Variants in TCP11L2 observed in about 807,000 individuals in gnomAD.
TCP11L2 encodes T-complex protein 11-like protein 2.
Under a neutral mutation model 50.7 loss-of-function variants are expected in TCP11L2, and 39 were observed. The ratio of observed to expected loss-of-function variants is 0.77; its 90% CI spans 0.60 to 1.01. TCP11L2 has a LOEUF of 1.01. Among genes scored for constraint, TCP11L2 ranks in the 50% least tolerant of loss-of-function variants. The pLI is 0.00. For synonymous variants in TCP11L2, 192 were observed against 219.3 expected, an observed-to-expected ratio of 0.88 and a Z score of 1.10; for missense variants, 612 against 614.7, an observed-to-expected ratio of 1.00 and a Z score of 0.05.
Position 106,321,478 on chromosome 12 carries a change from C to A in TCP11L2, c.415-8C>A. 1 of 1,605,742 alleles carries A rather than the reference C, an allele frequency of 6.2e-7. No homozygotes were observed. The highest frequency in any genetic ancestry group is 1.1e-5 in the South Asian group (1 of 90,088). ...TGATGCTGTTAATTTTTATTTCTTT[C>A]CCTGTAGATTCTTCTCTCTTTTCTC... is the stretch of plus-strand genomic sequence containing the variant. On this transcript the variant is annotated splice_region_variant and splice_polypyrimidine_tract_variant and intron_variant, in intron 4 of 9. Transcript: ENST00000299045.
At chr12:106,301,637 C>A (rs2034417682), upstream of TCP11L2, among the ~76,000 whole-genome samples, 1 of 152,196 alleles carries the variant, frequency 6.6e-6, no homozygotes, top group Admixed American at 6.5e-5. Context: ...CGGCACTAAA[C>A]AGAAATACTT....
At chr12:106,329,570 A>C in intron 6 of TCP11L2, 2 of 1,406,100 alleles carry the variant, frequency 1.4e-6, no homozygotes, top group Non-Finnish European at 1.8e-6. Context: ...AGAATAAATC[A>C]AAGTCTCCAG....
intron 3 of TCP11L2, among the ~76,000 whole-genome samples, chr12:106,316,123 C>T (rs1436749492): frequency 1.3e-5 from 2 of 152,112 alleles, no homozygotes; most frequent in African/African-American, 4.8e-5. Context: ...TTGCATTTTG[C>T]CATGACCCTT....
At position 106,318,462 on chromosome 12, in the gene TCP11L2, G is replaced by A; in HGVS notation, c.412G>A (p.Glu138Lys). ...HAIKLFEEIR[E>K]ILLSFLTPGG... Reference sequence around the variant, plus strand: ...CATCAAACTGTTTGAAGAAATCAGAGAGGCAAGTTGCTTTGTTGTCTGTGT... The same window carrying A: ...CATCAAACTGTTTGAAGAAATCAGAAAGGCAAGTTGCTTTGTTGTCTGTGT... Residue 138 changes from glutamate to lysine, a missense_variant and splice_region_variant, in exon 4 of 10, where the codon GAG (glutamate) becomes AAG (lysine). Coordinates refer to ENST00000299045, the MANE Select transcript of TCP11L2 (RefSeq NM_152772.3). 1 of 1,613,626 alleles carries A rather than the reference G, an allele frequency of 6.2e-7. No homozygotes were observed. Among genetic ancestry groups the A allele is most frequent in the Admixed American group, 1.7e-5 (1 of 60,008 alleles).
At chr12:106,301,123 C>T (rs2034402643), upstream of TCP11L2, among the ~76,000 whole-genome samples, 1 of 152,186 alleles carries the variant, frequency 6.6e-6, no homozygotes, top group Non-Finnish European at 1.5e-5. Flanking sequence ...TTGGAGGCTT[C>T]TGTCATTCTG....
chr12:106,321,169 T>A (rs772136422), intron 4 of TCP11L2, among the ~76,000 whole-genome samples: 6 of 152,246 alleles, frequency 3.9e-5, no homozygotes, highest in Non-Finnish European at 2.9e-5. Flanking sequence ...AGTTGCAATT[T>A]CCAGGAACCT....
intron 6 of TCP11L2, among the ~76,000 whole-genome samples, chr12:106,327,414 T>C (rs1240846084): frequency 6.6e-6 from 1 of 152,112 alleles, no homozygotes; most frequent in African/African-American, 2.4e-5. Flanking sequence ...GGCTGGTCTC[T>C]AACTACTGGC....
intron 2 of TCP11L2, among the ~76,000 whole-genome samples, chr12:106,313,160 C>T (rs2034924777): frequency 6.6e-6 from 1 of 152,140 alleles, no homozygotes. Flanking sequence ...CTTAAATTAT[C>T]TCATTCGGTC....
chr12:106,329,218 T>C, intron 6 of TCP11L2: 1 of 1,330,624 alleles, frequency 7.5e-7, no homozygotes, highest in Non-Finnish European at 1.0e-6. Flanking sequence ...GGGACTGTGC[T>C]TATTTACCTT....
At chr12:106,322,663 C>T (rs17218455) in intron 5 of TCP11L2, among the ~76,000 whole-genome samples, 21,790 of 152,134 alleles carry the variant, frequency 0.14, 1,699 homozygotes, top group Middle Eastern at 0.18. Context: ...ATGGTGGCCA[C>T]ATTGAGAATT....
intron 6 of TCP11L2, among the ~76,000 whole-genome samples, chr12:106,332,254 G>T (rs1418240225): frequency 6.6e-6 from 1 of 152,100 alleles, no homozygotes; most frequent in Non-Finnish European, 1.5e-5. Context: ...AAATCATTAG[G>T]CAGTTTCTTA....
chr12:106,302,301 G>GCCCCGCTCAGC (rs1240911205), upstream of TCP11L2, among the ~76,000 whole-genome samples: 3 of 114,116 alleles, frequency 2.6e-5, no homozygotes, highest in Non-Finnish European at 5.6e-5. Context: ...CCTCCCCAGA[G>GCCCCGCTCAGC]CCCCGCTCAG....
Position 106,302,800 on chromosome 12 carries a change from G to GA in TCP11L2, c.-177_-176insA, listed in dbSNP as rs201647351. 1 of 152,380 alleles carries GA rather than the reference G, an allele frequency of 6.6e-6. No individual in the cohort carries two copies. The highest frequency in any genetic ancestry group is 2.4e-5 in the African/African-American group (1 of 41,464). 9.4% of individuals were successfully genotyped at this position (152,380 alleles called of 1,614,324 possible). A position where few individuals can be genotyped will look rare whatever the true frequency, so the allele number is the denominator to read the frequency against. On this transcript the variant is annotated 5_prime_UTR_variant, in exon 1 of 10. Transcript: ENST00000299045. ...TCAGGGCCCTTTAAATACCGCGTTGGGGGGGACACTGGGGCTGGGGGGGTT... is the reference window on the plus strand; with the variant it reads ...TCAGGGCCCTTTAAATACCGCGTTGGAGGGGGACACTGGGGCTGGGGGGGTT...
In TCP11L2 at chr12:106,323,814, T is replaced by C. The variant is rs115338323; in HGVS notation, c.772+168T>C. ...AAAATGTTAAAGGTTAAAATGAAAATTAGGTGATGTTTTCATTTTTGACTT... is the reference window on the plus strand; with the variant it reads ...AAAATGTTAAAGGTTAAAATGAAAACTAGGTGATGTTTTCATTTTTGACTT... On this transcript the variant is annotated intron_variant, in intron 6 of 9. Transcript: ENST00000299045. 425 of 343,842 alleles carry C rather than the reference T, an allele frequency of 1.2e-3. 2 individuals carry two copies. The highest frequency in any genetic ancestry group is 8.2e-3 in the African/African-American group (382 of 46,542). 21.3% of individuals were successfully genotyped at this position (343,842 alleles called of 1,614,324 possible).
rs1565844784 is a variant in TCP11L2, at chr12:106,318,404, A to G, written c.354A>G (p.Glu118=). ...HQAFWDVLDS[E]LNADPPEFEH... ...CCTTCTGGGACGTCTTGGATTCAGAACTAAATGCTGACCCTCCTGAGTTTG... is the reference window on the plus strand; with the variant it reads ...CCTTCTGGGACGTCTTGGATTCAGAGCTAAATGCTGACCCTCCTGAGTTTG... Residue 118 remains glutamate, a synonymous_variant, in exon 4 of 10, where the codon GAA becomes GAG. Transcript: ENST00000299045. The G allele has an allele frequency of 6.2e-7, 1 of 1,614,142 alleles. No homozygotes were observed. Among genetic ancestry groups the G allele is most frequent in the Non-Finnish European group, 8.5e-7 (1 of 1,179,970 alleles).
rs201523559 is a variant in TCP11L2 at position 106,319,147 on chromosome 12, A to G, written c.414+683A>G. Among the ~76,000 whole-genome samples the G allele has an allele frequency of 1.0e-3, 154 of 152,078 alleles. 2 individuals are homozygous for G. The East Asian group carries it at 0.02, about 20-fold the overall frequency. On this transcript the variant is annotated intron_variant, in intron 4 of 9. Coordinates refer to ENST00000299045, the MANE Select transcript of TCP11L2 (RefSeq NM_152772.3). ...AGGATGGTCTCGATCTCCTGACCTC[A>G]TGATTCGCCCACCTTGGCCTCCCAG...
Position 106,346,565 on chromosome 12 carries a change from C to T in TCP11L2, c.*35C>T. The stretch of plus-strand genomic sequence containing the variant: ...GACATTGGACGAGAGATTGGAAATC[C>T]AGTACTTTGGTATCCAGTCCACTTC... On this transcript the variant is annotated 3_prime_UTR_variant, in exon 10 of 10. Transcript: ENST00000299045. 6.3e-7 allele frequency: 1 copy of T among 1,589,554 alleles called. No individual in the cohort carries two copies. The highest frequency in any genetic ancestry group is 8.5e-7 in the Non-Finnish European group (1 of 1,169,840).
intron 3 of TCP11L2, among the ~76,000 whole-genome samples, chr12:106,316,522 T>A (rs2035088962): frequency 1.3e-5 from 2 of 152,122 alleles, no homozygotes; most frequent in Admixed American, 1.3e-4. Flanking sequence ...TTTTGAATGT[T>A]CTTTTCCCAG....
At chr12:106,299,333 G>A (rs1476505723), upstream of TCP11L2, among the ~76,000 whole-genome samples, 1 of 152,136 alleles carries the variant, frequency 6.6e-6, no homozygotes, top group Non-Finnish European at 1.5e-5. Context: ...ACAGACATAA[G>A]TTTCTTCAAG....
Sources: allele counts gnomAD v4.1 joint callset (sites outside exome capture counted in the v4.1 genomes callset), GRCh38; gene constraint gnomAD v4.1.1; transcripts MANE v1.5; gene names NCBI Gene and HGNC (gene_info 2026-07-23, HGNC 2026-07-21).